GCA: variants seen among roughly 807,000 people sequenced by gnomAD.
The protein encoded by GCA is grancalcin, also known as grancalcin, EF-hand calcium-binding protein.
In GCA, 30 loss-of-function variants were observed where a neutral mutation model predicts 32.6. That is an observed-to-expected ratio of 0.92 (90% CI 0.69 to 1.25). The LOEUF is 1.25. Ranked by LOEUF, GCA falls within the 50% of genes most tolerant of loss-of-function variation. The pLI, the probability that GCA is intolerant of heterozygous loss-of-function variation, is 0.00. For missense variants in GCA, 291 were observed against 266.8 expected (o/e 1.09, Z -0.63); for synonymous variants, 102 against 84.6 (o/e 1.21, Z -1.13).
In GCA at chr2:162,361,870, C is replaced by T. The variant is rs144571022; in HGVS notation, c.*1627C>T. ...CGTTCACATCGAATGGTGATAATGT[C>T]GCTCAGCAACCTGTAATCTTAACAT... On this transcript the variant is annotated 3_prime_UTR_variant, in exon 8 of 8. Coordinates refer to ENST00000437150, the MANE Select transcript of GCA (RefSeq NM_012198.5). 9 of 984,200 alleles carry T rather than the reference C, an allele frequency of 9.1e-6. No individual in the cohort carries two copies. Among genetic ancestry groups the T allele is most frequent in the East Asian group, 1.1e-4 (1 of 8,782 alleles). 61.0% of individuals were successfully genotyped at this position (984,200 alleles called of 1,614,324 possible).
Position 162,362,164 on chromosome 2 carries a change from G to T in GCA, c.*1921G>T, listed in dbSNP as rs1685599538. ...CTCTCACTTTCTAAAGCTTGACAAG[G>T]TATATTAGCATCTGAAACCCCAAGG... On this transcript the variant is annotated 3_prime_UTR_variant, in exon 8 of 8. Transcript: ENST00000437150. 5.1e-6 allele frequency: 5 copies of T among 984,458 alleles called. No individual in the cohort carries two copies. Among genetic ancestry groups the T allele is most frequent in the Non-Finnish European group, 6.0e-6 (5 of 829,470 alleles). The allele number at this position is 984,458 out of a possible 1,614,324, so 61.0% of individuals were successfully genotyped here.
rs949928341 is a variant in GCA, at chr2:162,361,490, A to G, written c.*1247A>G. The G allele has an allele frequency of 7.2e-6, 7 of 974,686 alleles. No individual in the cohort carries two copies. In the South Asian group the frequency reaches 1.4e-4, roughly 20 times the overall value. The allele number at this position is 974,686 out of a possible 1,614,324, so 60.4% of individuals were successfully genotyped here. ...TTATGACTGCTGACCAAATTAATTT[A>G]TAGATTTTATAAAATCCCATGTTTC... is the stretch of plus-strand genomic sequence containing the variant. On this transcript the variant is annotated 3_prime_UTR_variant, in exon 8 of 8. Transcript: ENST00000437150.
intron 1 of GCA, among the ~76,000 whole-genome samples, chr2:162,332,379 A>G (rs1469063402): frequency 6.8e-6 from 1 of 147,154 alleles, no homozygotes; most frequent in African/African-American, 2.5e-5. Flanking sequence ...TATATAAATT[A>G]TATAATATAT....
At chr2:162,338,300 T>A (rs1443035024) in intron 1 of GCA, among the ~76,000 whole-genome samples, 1 of 152,228 alleles carries the variant, frequency 6.6e-6, no homozygotes, top group Non-Finnish European at 1.5e-5. Context: ...AATGAGATGA[T>A]CTCAGCTTTT....
chr2:162,358,423 A>T (rs975602369), intron 5 of GCA, among the ~76,000 whole-genome samples: 2 of 151,506 alleles, frequency 1.3e-5, no homozygotes, highest in Non-Finnish European at 3.0e-5. Flanking sequence ...TGATATAAGT[A>T]AAAATCAAAG....
At chr2:162,353,337 ACGCACCT>A in intron 3 of GCA, among the ~76,000 whole-genome samples, 2 of 152,052 alleles carry the variant, frequency 1.3e-5, no homozygotes, top group African/African-American at 4.8e-5. Context: ...GCGTGGTGGC[ACGCACCT>A]GTAGTCCCAG....
At chr2:162,344,697 G>A (rs184489480) in intron 1 of GCA, among the ~76,000 whole-genome samples, 3 of 151,746 alleles carry the variant, frequency 2.0e-5, no homozygotes, top group South Asian at 4.2e-4. Flanking sequence ...ATAAATTAAG[G>A]TGTACGGTAA....
At chr2:162,373,814 C>G (rs193056724), downstream of GCA, 2 of 449,382 alleles carry the variant, frequency 4.5e-6, no homozygotes, top group African/African-American at 4.1e-5. Flanking sequence ...TCTTTCCTGA[C>G]GGATACTTAC....
At chr2:162,348,744 C>CCATA (rs1289588363) in intron 2 of GCA, among the ~76,000 whole-genome samples, 1 of 152,064 alleles carries the variant, frequency 6.6e-6, no homozygotes, top group Non-Finnish European at 1.5e-5. Context: ...AACTGTAACA[C>CCATA]CATACCACAG....
Position 162,361,069 on chromosome 2 carries a change from T to C in GCA, c.*826T>C, listed in dbSNP as rs1471080718. On this transcript the variant is annotated 3_prime_UTR_variant, in exon 8 of 8. Coordinates refer to ENST00000437150, the MANE Select transcript of GCA (RefSeq NM_012198.5). Reference sequence around the variant, plus strand: ...TGTCCTAATTAAATTGTTGTTTAAATGTAATGTCAACTCTTTATAAACTTA... The same window carrying C: ...TGTCCTAATTAAATTGTTGTTTAAACGTAATGTCAACTCTTTATAAACTTA... The C allele has an allele frequency of 4.2e-6, 4 of 948,664 alleles. No homozygotes were observed. Among genetic ancestry groups the C allele is most frequent in the Non-Finnish European group, 5.1e-6 (4 of 787,734 alleles). 58.8% of individuals were successfully genotyped at this position (948,664 alleles called of 1,614,324 possible).
At chr2:162,355,928 A>G (rs977979954) in intron 3 of GCA, among the ~76,000 whole-genome samples, 1 of 151,918 alleles carries the variant, frequency 6.6e-6, no homozygotes. Context: ...GCTTCTGAAA[A>G]CACTTCAGTG....
chr2:162,345,622 T>TCC (rs1684663703), intron 1 of GCA, among the ~76,000 whole-genome samples: 1 of 152,214 alleles, frequency 6.6e-6, no homozygotes. Context: ...AATATTTAAA[T>TCC]CCCCTTTTCC....
At chr2:162,339,423 T>C (rs1376386768), upstream of GCA, among the ~76,000 whole-genome samples, 2 of 152,172 alleles carry the variant, frequency 1.3e-5, no homozygotes, top group Non-Finnish European at 2.9e-5. Flanking sequence ...ATAAAATAGA[T>C]AAATACTAGG....
At chr2:162,327,664 G>A (rs536338677) in intron 1 of GCA, among the ~76,000 whole-genome samples, 27 of 152,304 alleles carry the variant, frequency 1.8e-4, no homozygotes, top group African/African-American at 6.0e-4. Context: ...TGAGCTGAGA[G>A]GGGAAAGGGT....
chr2:162,334,317 G>A (rs1321370554), intron 1 of GCA, among the ~76,000 whole-genome samples: 1 of 151,910 alleles, frequency 6.6e-6, no homozygotes, highest in Non-Finnish European at 1.5e-5. Context: ...TTTCCCACTA[G>A]GGAGGTAAAA....
intron 1 of GCA, among the ~76,000 whole-genome samples, chr2:162,336,823 T>G (rs1271453379): frequency 6.6e-6 from 1 of 152,200 alleles, no homozygotes; most frequent in Non-Finnish European, 1.5e-5. Flanking sequence ...GAAGAGTTGT[T>G]TAATTTGGGC....
intron 1 of GCA, chr2:162,344,504 C>T: frequency 1.8e-6 from 1 of 565,270 alleles, no homozygotes; most frequent in Non-Finnish European, 3.2e-6. Flanking sequence ...GAGGAGCGTC[C>T]TGGTGGAGCC....
rs377413955 is a variant in GCA, at chr2:162,345,093, ATGGTGGTGGTGGTGG to A, written c.27+847_27+861del. Among the ~76,000 whole-genome samples the A allele has an allele frequency of 5.0e-3, 542 of 109,398 alleles. 1 individual carries two copies. Among genetic ancestry groups the A allele is most frequent in the African/African-American group, 0.017 (494 of 29,460 alleles). 71.8% of individuals were successfully genotyped at this position (109,398 alleles called of 152,430 possible). On this transcript the variant is annotated intron_variant, in intron 1 of 7. Transcript: ENST00000437150. ...GAGTTACTCCTACCCCTTGGAGTTCATGGTGGTGGTGGTGGTGGTGGTGGTGGTGGTGGTGGTGGT... is the reference window on the plus strand; with the variant it reads ...GAGTTACTCCTACCCCTTGGAGTTCATGGTGGTGGTGGTGGTGGTGGTGGT...
upstream of GCA, among the ~76,000 whole-genome samples, chr2:162,341,919 G>C (rs1257275719): frequency 6.6e-6 from 1 of 152,058 alleles, no homozygotes; most frequent in Non-Finnish European, 1.5e-5. Flanking sequence ...GAGTTGTTTT[G>C]AGAAATAACA....
Sources: allele counts gnomAD v4.1 joint callset (sites outside exome capture counted in the v4.1 genomes callset), GRCh38; gene constraint gnomAD v4.1.1; transcripts MANE v1.5; gene names NCBI Gene and HGNC (gene_info 2026-07-23, HGNC 2026-07-21).